DRAXIN: variants seen among roughly 807,000 people sequenced by gnomAD.
DRAXIN encodes the protein dorsal repulsive axon guidance protein.
A neutral mutation model predicts 33.9 loss-of-function variants in DRAXIN; 27 were observed. The ratio of observed to expected loss-of-function variants is 0.80; its 90% CI spans 0.59 to 1.10. The LOEUF (loss-of-function observed/expected upper bound fraction) is 1.10, where lower values mean the gene tolerates loss of function less well. Among genes scored for constraint, DRAXIN ranks in the 50% least tolerant of loss-of-function variants. The pLI, the probability that DRAXIN is intolerant of heterozygous loss-of-function variation, is 0.00. For synonymous variants in DRAXIN, 178 were observed against 194.0 expected (o/e 0.92, Z 0.69); for missense variants, 371 against 460.8 (o/e 0.81, Z 1.78).
At chr1:11,700,217 G>A (rs1021781366) in intron 1 of DRAXIN, among the ~76,000 whole-genome samples, 1 of 152,298 alleles carries the variant, frequency 6.6e-6, no homozygotes, top group Non-Finnish European at 1.5e-5. Context: ...GTGACACAGC[G>A]AGACTCTGTT....
At chr1:11,707,081 G>A (rs1288538286) in intron 2 of DRAXIN, among the ~76,000 whole-genome samples, 7 of 152,074 alleles carry the variant, frequency 4.6e-5, no homozygotes, top group Non-Finnish European at 1.5e-5. Context: ...GGCGCCTGTA[G>A]TCCCAGCTAC....
intron 1 of DRAXIN, among the ~76,000 whole-genome samples, chr1:11,699,731 A>G (rs905152042): frequency 1.3e-5 from 2 of 151,876 alleles, no homozygotes; most frequent in Admixed American, 6.6e-5. Flanking sequence ...GTTCGAGACC[A>G]GCCTGGCCAA....
Position 11,719,665 on chromosome 1 carries a change from A to G in DRAXIN, c.1019A>G (p.Asn340Ser), listed in dbSNP as rs770715642. Residue 340 changes from asparagine to serine, a missense_variant, in exon 7 of 7, where the codon AAC becomes AGC. Physicochemically the swap from Asn to Ser is conservative, Grantham distance 46. Coordinates refer to ENST00000294485, the MANE Select transcript of DRAXIN (RefSeq NM_198545.4). ...CGCTGTGTGGAGCCCGAGACGGCCA[A>G]CGGCGACCAGGGATCCTTCATCAAC... ...KGRCVEPETANGDQGSFINV is the reference protein window; with the variant it reads ...KGRCVEPETASGDQGSFINV 1.9e-6 allele frequency: 3 copies of G among 1,614,092 alleles called. No individual in the cohort carries two copies. The highest frequency in any genetic ancestry group is 1.1e-5 in the South Asian group (1 of 91,082).
intron 1 of DRAXIN, among the ~76,000 whole-genome samples, chr1:11,698,319 C>A (rs543968613): frequency 2.4e-4 from 36 of 152,276 alleles, no homozygotes; most frequent in African/African-American, 7.7e-4. Context: ...AAGAAAATTA[C>A]CCACTTTCCA....
rs1283248504 is a variant in DRAXIN, at chr1:11,705,503, T to A, written c.-10-746T>A. 6.6e-6 allele frequency among the ~76,000 whole-genome samples: 1 copy of A among 151,968 alleles called. No homozygotes were observed. Among genetic ancestry groups the A allele is most frequent in the Non-Finnish European group, 1.5e-5 (1 of 67,970 alleles). ...CCCTCCCCCAGGGGAAGGGACAGTGTCAGAACATTCTGGGGCCTCAGAGCT... is the reference window on the plus strand; with the variant it reads ...CCCTCCCCCAGGGGAAGGGACAGTGACAGAACATTCTGGGGCCTCAGAGCT... On this transcript the variant is annotated intron_variant, in intron 1 of 6. Transcript: ENST00000294485. The surrounding 1 kb of genome is among the most constrained non-coding windows in gnomAD (Gnocchi z 4.8).
At chr1:11,691,219 C>T (rs1349626471), upstream of DRAXIN, among the ~76,000 whole-genome samples, 1 of 151,504 alleles carries the variant, frequency 6.6e-6, no homozygotes, top group East Asian at 2.0e-4. Flanking sequence ...CCTTTTGTGG[C>T]CCCGGGCCCC....
Position 11,706,448 on chromosome 1 carries a change from A to T in DRAXIN, c.190A>T (p.Lys64Ter). Residue 64 changes from lysine to a stop codon, truncating the protein, a stop_gained, in exon 2 of 7, where the codon AAG becomes TAG. Transcript: ENST00000294485. LOFTEE classifies it high-confidence loss of function. The surrounding 1 kb of genome is among the most constrained non-coding windows in gnomAD (Gnocchi z 5.5). ...ASHHRRRGPG[K>*]KEWGPGLPSQ... is the part of the protein sequence containing the mutation. ...CCACCACCGCCGGCGGGGCCCGGGC[A>T]AGAAGGAGTGGGGCCCAGGCCTGCC... The T allele has an allele frequency of 6.2e-7, 1 of 1,611,350 alleles. No individual in the cohort carries two copies. The highest frequency in any genetic ancestry group is 8.5e-7 in the Non-Finnish European group (1 of 1,179,246).
intron 5 of DRAXIN, 140 bp from the exon 6 acceptor site, chr1:11,714,979 C>G: frequency 1.1e-6 from 1 of 926,626 alleles, no homozygotes. Context: ...ACTCAGGAGC[C>G]TTGCACACCA....
At chr1:11,701,963 A>T (rs1214221053) in intron 1 of DRAXIN, among the ~76,000 whole-genome samples, 1 of 151,972 alleles carries the variant, frequency 6.6e-6, no homozygotes, top group Non-Finnish European at 1.5e-5. Flanking sequence ...TTGGGCTTGG[A>T]GAGAGGGGCC....
rs192136412 is a variant in DRAXIN, at chr1:11,703,434, G to T, written c.-10-2815G>T. On this transcript the variant is annotated intron_variant, in intron 1 of 6. Transcript: ENST00000294485. ...TGAGAACAGAGAGCCAGAAAGCAGGGGTGTGTTTGGGGCCCAGGGAGCAGT... is the reference window on the plus strand; with the variant it reads ...TGAGAACAGAGAGCCAGAAAGCAGGTGTGTGTTTGGGGCCCAGGGAGCAGT... 5.6e-3 allele frequency among the ~76,000 whole-genome samples: 850 copies of T among 152,266 alleles called. 6 individuals carry two copies. Among genetic ancestry groups the T allele is most frequent in the African/African-American group, 0.019 (780 of 41,560 alleles).
intron 6 of DRAXIN, among the ~76,000 whole-genome samples, chr1:11,717,981 A>G (rs1231007778): frequency 7.6e-6 from 1 of 132,200 alleles, no homozygotes; most frequent in Non-Finnish European, 1.6e-5. Flanking sequence ...AGTCCAGGCA[A>G]CAGAGCAAGA....
At chr1:11,691,220 C>T (rs1270284376), upstream of DRAXIN, among the ~76,000 whole-genome samples, 1 of 152,158 alleles carries the variant, frequency 6.6e-6, no homozygotes, top group Non-Finnish European at 1.5e-5. Context: ...CTTTTGTGGC[C>T]CCGGGCCCCT....
rs1446655264 is a variant in DRAXIN at position 11,692,112 on chromosome 1, C to T, written c.-11+259C>T. On this transcript the variant is annotated intron_variant, in intron 1 of 6. Coordinates refer to ENST00000294485, the MANE Select transcript of DRAXIN (RefSeq NM_198545.4). This position sits in a 1 kb window ranked among gnomAD's most constrained non-coding sequence, Gnocchi z 5.8. ...CCCCATCCGTCCACCTACCGCTGGA[C>T]GCCCACTTTTCCACGCTCTGACACT... Among the ~76,000 whole-genome samples the T allele has an allele frequency of 6.6e-6, 1 of 152,088 alleles. No individual in the cohort carries two copies. The highest frequency in any genetic ancestry group is 2.4e-5 in the African/African-American group (1 of 41,426).
upstream of DRAXIN, among the ~76,000 whole-genome samples, chr1:11,687,924 GAA>G (rs759069139): frequency 2.2e-4 from 33 of 152,224 alleles, no homozygotes; most frequent in Non-Finnish European, 4.1e-4. The surrounding 1 kb of genome is among the most constrained non-coding windows in gnomAD (Gnocchi z 4.1). Context: ...TACAGACAAG[GAA>G]ACTGAGGCCC....
intron 3 of DRAXIN, among the ~76,000 whole-genome samples, chr1:11,711,264 A>G (rs1641490980): frequency 1.3e-5 from 2 of 152,246 alleles, no homozygotes; most frequent in South Asian, 4.1e-4. Context: ...CTTATCATCC[A>G]AGGCCCCCTG....
chr1:11,695,610 AAAT>A (rs941478849), intron 1 of DRAXIN, among the ~76,000 whole-genome samples: 54 of 104,690 alleles, frequency 5.2e-4, no homozygotes, highest in African/African-American at 1.9e-3. Context: ...TCAAAAAAAA[AAAT>A]ATATATATAT....
In DRAXIN at chr1:11,725,399, G is replaced by A. The variant is rs1641731440; in HGVS notation, c.*5703G>A. 6.6e-6 allele frequency: 1 copy of A among 152,254 alleles called. No individual in the cohort carries two copies. Among genetic ancestry groups the A allele is most frequent in the African/African-American group, 2.4e-5 (1 of 41,462 alleles). 9.4% of individuals were successfully genotyped at this position (152,254 alleles called of 1,614,324 possible). A position where few individuals can be genotyped will look rare whatever the true frequency, so the allele number is the denominator to read the frequency against. ...CTACTGAGCCAGAATCTCTGGGGGT[G>A]GGGCCCAGCCATTTGGCTTTTCACA... is the stretch of plus-strand genomic sequence containing the variant. On this transcript the variant is annotated 3_prime_UTR_variant, in exon 7 of 7. Coordinates refer to ENST00000294485, the MANE Select transcript of DRAXIN (RefSeq NM_198545.4).
chr1:11,691,123 G>A (rs972049031), upstream of DRAXIN, among the ~76,000 whole-genome samples: 2 of 152,124 alleles, frequency 1.3e-5, no homozygotes, highest in Admixed American at 6.5e-5. Flanking sequence ...CACTTTCTGC[G>A]GCTACAAAGG....
chr1:11,697,123 A>G (rs1641206694), intron 1 of DRAXIN, among the ~76,000 whole-genome samples: 1 of 152,006 alleles, frequency 6.6e-6, no homozygotes, highest in East Asian at 1.9e-4. Context: ...TGGGGCCCAG[A>G]GAGGTTAAAA....
Sources: allele counts gnomAD v4.1 joint callset (sites outside exome capture counted in the v4.1 genomes callset), GRCh38; gene constraint gnomAD v4.1.1; non-coding constraint Gnocchi (gnomAD v3.1); transcripts MANE v1.5; gene names NCBI Gene and HGNC (gene_info 2026-07-23, HGNC 2026-07-21).